Variants in MAP6 observed in about 807,000 individuals in gnomAD.
MAP6 encodes microtubule-associated protein 6.
In MAP6, 26 loss-of-function variants were observed where a neutral mutation model predicts 42.4. The ratio of observed to expected loss-of-function variants is 0.61; its 90% CI spans 0.45 to 0.85. The LOEUF (loss-of-function observed/expected upper bound fraction) is 0.85. Ranked by LOEUF, MAP6 falls within the 40% of genes least tolerant of loss-of-function variation. The pLI is 0.00. For missense variants in MAP6, 966 were observed against 1,099.0 expected, an observed-to-expected ratio of 0.88 and a Z score of 1.71; for synonymous variants, 418 against 443.8, an observed-to-expected ratio of 0.94 and a Z score of 0.73.
chr11:75,591,230 A>G (rs11828233), intron 3 of MAP6, among the ~76,000 whole-genome samples: 2,535 of 152,302 alleles, frequency 0.017, 62 homozygotes, highest in East Asian at 0.088. Flanking sequence ...TTTATTTAAA[A>G]TTATTCATAA....
intron 3 of MAP6, among the ~76,000 whole-genome samples, chr11:75,601,397 C>T (rs1268162484): frequency 6.6e-6 from 1 of 152,128 alleles, no homozygotes; most frequent in Non-Finnish European, 1.5e-5. Flanking sequence ...TGTTTTATTT[C>T]TTGAGCAGCT....
intron 3 of MAP6, among the ~76,000 whole-genome samples, chr11:75,595,642 C>T (rs1942565538): frequency 6.6e-6 from 1 of 152,226 alleles, no homozygotes; most frequent in Non-Finnish European, 1.5e-5. Context: ...TTAGCAACCT[C>T]TACTCCGTAA....
chr11:75,662,916 CTCCG>C (rs1943878927), intron 1 of MAP6, among the ~76,000 whole-genome samples: 1 of 151,604 alleles, frequency 6.6e-6, no homozygotes, highest in Non-Finnish European at 1.5e-5. Flanking sequence ...TGCTGCCCTT[CTCCG>C]TTTGAACATT....
At chr11:75,642,988 C>A in intron 1 of MAP6, 1 of 371,312 alleles carries the variant, frequency 2.7e-6, no homozygotes. Flanking sequence ...TGAGTGACTT[C>A]CTTGCTAAAT....
At chr11:75,616,510 C>T (rs1314534847) in intron 1 of MAP6, among the ~76,000 whole-genome samples, 2 of 152,220 alleles carry the variant, frequency 1.3e-5, no homozygotes, top group Non-Finnish European at 2.9e-5. Flanking sequence ...CCATCTCCTT[C>T]GTGCACTCTG....
At position 75,668,155 on chromosome 11, in the gene MAP6, G is replaced by A; in HGVS notation, c.215C>T (p.Ala72Val). ...ARAVAIETQP[A>V]QGELDAVARA... ...GGCAACTGCATCCAACTCGCCCTGG[G>A]CTGGCTGCGTCTCTATGGCAACCGC... is the stretch of plus-strand genomic sequence containing the variant. Residue 72 changes from alanine (A) to valine (V), a missense_variant, in exon 1 of 4, where the codon GCC becomes GTC. By Grantham distance (64) the Ala-to-Val change is moderately conservative (BLOSUM62 0). Transcript: ENST00000304771. 1.6e-6 allele frequency: 2 copies of A among 1,228,222 alleles called. No homozygotes were observed. Among genetic ancestry groups the A allele is most frequent in the Non-Finnish European group, 1.0e-6 (1 of 990,974 alleles). The allele number at this position is 1,228,222 out of a possible 1,614,324, so 76.1% of individuals were successfully genotyped here.
chr11:75,645,207 G>C (rs916365078), intron 1 of MAP6, among the ~76,000 whole-genome samples: 7 of 152,180 alleles, frequency 4.6e-5, no homozygotes, highest in Non-Finnish European at 8.8e-5. Flanking sequence ...GCAAGGAGAA[G>C]AGACCTGGCC....
chr11:75,604,793 A>G, intron 3 of MAP6: 1 of 985,482 alleles, frequency 1.0e-6, no homozygotes, highest in African/African-American at 1.7e-5. Context: ...GTCTGCAGCT[A>G]AGTCACAGAC....
chr11:75,618,333 G>A (rs567076929), intron 1 of MAP6, among the ~76,000 whole-genome samples: 55 of 152,262 alleles, frequency 3.6e-4, no homozygotes, highest in African/African-American at 1.1e-3. Flanking sequence ...TTGGCTGGGC[G>A]TGGTGGCTCA....
chr11:75,606,696 C>T (rs779105813), intron 2 of MAP6, among the ~76,000 whole-genome samples: 1 of 152,216 alleles, frequency 6.6e-6, no homozygotes, highest in Non-Finnish European at 1.5e-5. Flanking sequence ...GGGGGCATCT[C>T]CAGTCTCAGC....
At chr11:75,649,900 C>G (rs770829215) in intron 1 of MAP6, among the ~76,000 whole-genome samples, 9 of 151,986 alleles carry the variant, frequency 5.9e-5, no homozygotes, top group Non-Finnish European at 1.2e-4. Context: ...GTGTTTTACC[C>G]TTCTTAGTGA....
chr11:75,610,262 TACCAACAACTC>T, intron 1 of MAP6, among the ~76,000 whole-genome samples: 1 of 152,370 alleles, frequency 6.6e-6, no homozygotes, highest in Admixed American at 6.5e-5. Flanking sequence ...AAAAGACACC[TACCAACAACTC>T]AGACTCAATG....
rs892637458 is a variant in MAP6, at chr11:75,620,077, T to C, written c.906-11755A>G. 2.0e-5 allele frequency among the ~76,000 whole-genome samples: 3 copies of C among 152,176 alleles called. No individual in the cohort carries two copies. In the South Asian group the frequency reaches 6.2e-4, roughly 31 times the overall value. On this transcript the variant is annotated intron_variant, in intron 1 of 3. Coordinates refer to ENST00000304771, the MANE Select transcript of MAP6 (RefSeq NM_033063.2). ...CATTTCTCTTAGTAATTTAAAATCT[T>C]TACACAAAGAAAGTCTGATGCTTGA...
chr11:75,605,545 T>C, intron 3 of MAP6: 1 of 1,262,820 alleles, frequency 7.9e-7, no homozygotes. Context: ...GCAGTCAGAG[T>C]GCCAGGGGAG....
chr11:75,655,310 G>C (rs537313525), intron 1 of MAP6, among the ~76,000 whole-genome samples: 1 of 152,328 alleles, frequency 6.6e-6, no homozygotes, highest in Non-Finnish European at 1.5e-5. Context: ...GGATAGAAAG[G>C]ATTTAGAAAG....
chr11:75,611,059 T>C (rs978660660), intron 1 of MAP6, among the ~76,000 whole-genome samples: 3 of 152,166 alleles, frequency 2.0e-5, no homozygotes, highest in Non-Finnish European at 2.9e-5. Flanking sequence ...ATTTTGGCCC[T>C]ACACACAGGC....
chr11:75,588,787 C>T (rs183002482), intron 3 of MAP6, among the ~76,000 whole-genome samples: 17 of 152,312 alleles, frequency 1.1e-4, no homozygotes, highest in African/African-American at 3.8e-4. Context: ...TATTTTATCA[C>T]TGACATTGTA....
intron 3 of MAP6, chr11:75,605,456 G>A (rs1942744028): frequency 1.9e-6 from 2 of 1,039,330 alleles, no homozygotes; most frequent in Non-Finnish European, 2.3e-6. Context: ...TCTGGGAGGA[G>A]GAGACCCCAC....
At chr11:75,651,899 A>G (rs1943651968) in intron 1 of MAP6, among the ~76,000 whole-genome samples, 1 of 152,236 alleles carries the variant, frequency 6.6e-6, no homozygotes, top group Non-Finnish European at 1.5e-5. Context: ...TAGATCAGAA[A>G]TTGGCAAACT....
Sources: allele counts gnomAD v4.1 joint callset (sites outside exome capture counted in the v4.1 genomes callset), GRCh38; gene constraint gnomAD v4.1.1; transcripts MANE v1.5; gene names NCBI Gene and HGNC (gene_info 2026-07-23, HGNC 2026-07-21).